BARD1: variants seen among roughly 807,000 people sequenced by gnomAD.
BARD1 encodes the protein BRCA1 associated RING domain 1.
Under a neutral mutation model 77.0 loss-of-function variants are expected in BARD1, and 73 were observed. That is an observed-to-expected ratio of 0.95 (90% CI 0.79 to 1.15). BARD1 has a LOEUF of 1.15. Among genes scored for constraint, BARD1 ranks in the 50% most tolerant of loss-of-function variants. The pLI is 0.00. For synonymous variants in BARD1, 384 were observed against 338.0 expected, an observed-to-expected ratio of 1.14 and a Z score of -1.49; for missense variants, 993 against 938.8, an observed-to-expected ratio of 1.06 and a Z score of -0.75.
chr2:214,764,452 G>C (rs1032731975), intron 6 of BARD1, among the ~76,000 whole-genome samples: 1 of 152,064 alleles, frequency 6.6e-6, no homozygotes, highest in African/African-American at 2.4e-5. Context: ...AAATATTCTA[G>C]ACAATGCAAA....
chr2:214,760,793 T>A (rs1693920618), intron 6 of BARD1, among the ~76,000 whole-genome samples: 1 of 150,540 alleles, frequency 6.6e-6, no homozygotes, highest in Non-Finnish European at 1.5e-5. Flanking sequence ...TTTTTTTTTT[T>A]AGATGGAGTC....
intron 3 of BARD1, among the ~76,000 whole-genome samples, chr2:214,784,145 G>T (rs1186282573): frequency 1.3e-5 from 2 of 151,968 alleles, no homozygotes; most frequent in African/African-American, 4.8e-5. Context: ...TCTGACAAAG[G>T]ACTAATATCC....
chr2:214,743,893 T>G (rs1194310553), intron 9 of BARD1, among the ~76,000 whole-genome samples: 2 of 152,200 alleles, frequency 1.3e-5, no homozygotes, highest in African/African-American at 4.8e-5. Context: ...CTTGTTTGCA[T>G]AATTTTATCT....
At chr2:214,763,317 T>TACC (rs1225508153) in intron 6 of BARD1, among the ~76,000 whole-genome samples, 1 of 152,202 alleles carries the variant, frequency 6.6e-6, no homozygotes, top group African/African-American at 2.4e-5. Flanking sequence ...TATGAAGGCA[T>TACC]ACCTCACACC....
chr2:214,745,131 T>C lies in BARD1; in HGVS notation c.1839A>G (p.Ala613=). ...TVTHVVVPGD[A]VQSTLKCMLG... is the part of the protein sequence containing the mutation. ...GCATACACTTCAAGGTACTTTGAAC[T>C]GCATCACCAGGAACAACAACATGAG... is the stretch of plus-strand genomic sequence containing the variant. Residue 613 remains alanine, a synonymous_variant, in exon 9 of 11, where the codon GCA becomes GCG. Coordinates refer to ENST00000260947, the MANE Select transcript of BARD1 (RefSeq NM_000465.4). 6.2e-7 allele frequency: 1 copy of C among 1,614,026 alleles called. No individual in the cohort carries two copies. The highest frequency in any genetic ancestry group is 8.5e-7 in the Non-Finnish European group (1 of 1,179,936).
intron 9 of BARD1, among the ~76,000 whole-genome samples, chr2:214,741,401 A>C (rs572946856): frequency 2.6e-5 from 4 of 152,302 alleles, no homozygotes; most frequent in African/African-American, 9.6e-5. Context: ...AAAGCAGTGT[A>C]CTAAAAGAAT....
rs1329481396 is a variant in BARD1, at chr2:214,792,448, T to G, written c.216-3A>C. ...CAATGCAGTCACTTACACAATTACT[T>G]TAAAATAATTAAAAAAAAAAAAAAA... On this transcript the variant is annotated splice_polypyrimidine_tract_variant and splice_region_variant and intron_variant, in intron 2 of 10. Transcript: ENST00000260947. 2 of 1,532,250 alleles carry G rather than the reference T, an allele frequency of 1.3e-6. No individual in the cohort carries two copies. The highest frequency in any genetic ancestry group is 3.0e-5 in the African/African-American group (2 of 65,938). 94.9% of individuals were successfully genotyped at this position (1,532,250 alleles called of 1,614,324 possible).
At chr2:214,798,619 G>C (rs907814107) in intron 1 of BARD1, among the ~76,000 whole-genome samples, 1 of 151,928 alleles carries the variant, frequency 6.6e-6, no homozygotes, top group Non-Finnish European at 1.5e-5. Flanking sequence ...ATCCAGCCCA[G>C]GCCAGAGTTA....
At chr2:214,742,933 T>C (rs116529201) in intron 9 of BARD1, among the ~76,000 whole-genome samples, 2,680 of 152,306 alleles carry the variant, frequency 0.018, 30 homozygotes, top group Non-Finnish European at 0.026. Flanking sequence ...TCCCTAATCA[T>C]GAAACCATTT....
At chr2:214,743,172 A>G (rs1838802) in intron 9 of BARD1, among the ~76,000 whole-genome samples, 74,650 of 152,016 alleles carry the variant, frequency 0.49, 18,514 homozygotes, top group East Asian at 0.56. Context: ...AGCATCACAA[A>G]AAAAGAAGTG....
At chr2:214,778,431 AATT>A (rs1694831783) in intron 4 of BARD1, among the ~76,000 whole-genome samples, 1 of 152,286 alleles carries the variant, frequency 6.6e-6, no homozygotes, top group Admixed American at 6.5e-5. Flanking sequence ...TGCATTTAAT[AATT>A]AAGTTCAAGG....
intron 1 of BARD1, among the ~76,000 whole-genome samples, chr2:214,806,423 C>T (rs1285643197): frequency 2.0e-5 from 3 of 152,150 alleles, no homozygotes; most frequent in Non-Finnish European, 4.4e-5. Flanking sequence ...TTGCTCCTTG[C>T]CGGCAATGTC....
rs980807052 is a variant in BARD1, at chr2:214,759,109, T to C, written c.1569-6554A>G. Reference sequence around the variant, plus strand: ...GAGTAATTCAAACTAGCAACATGGGTTTTTAAAGCTATAAAACATAAATTA... The same window carrying C: ...GAGTAATTCAAACTAGCAACATGGGCTTTTAAAGCTATAAAACATAAATTA... On this transcript the variant is annotated intron_variant, in intron 6 of 10. Transcript: ENST00000260947. Among the ~76,000 whole-genome samples the C allele has an allele frequency of 5.9e-5, 9 of 152,168 alleles. No homozygotes were observed. The East Asian group carries it at 1.7e-3, about 29-fold the overall frequency.
At chr2:214,735,310 T>C (rs1212135025) in intron 9 of BARD1, among the ~76,000 whole-genome samples, 2 of 152,126 alleles carry the variant, frequency 1.3e-5, no homozygotes, top group Non-Finnish European at 2.9e-5. Flanking sequence ...ATCAACAGAC[T>C]GTGAAAGGGC....
intron 4 of BARD1, among the ~76,000 whole-genome samples, chr2:214,773,552 G>A (rs190972306): frequency 6.6e-6 from 1 of 152,050 alleles, no homozygotes; most frequent in Admixed American, 6.6e-5. Context: ...CAAGTCACAC[G>A]AATCTTCTGG....
At chr2:214,754,256 T>A (rs563197633) in intron 6 of BARD1, among the ~76,000 whole-genome samples, 2 of 151,196 alleles carry the variant, frequency 1.3e-5, no homozygotes, top group South Asian at 4.2e-4. Context: ...CCACATTATA[T>A]GCCATCCAAA....
intron 2 of BARD1, chr2:214,796,790 T>C (rs769761792): frequency 4.4e-6 from 2 of 450,424 alleles, no homozygotes; most frequent in African/African-American, 2.0e-5. Context: ...ATTTGAATTA[T>C]ATAAAAGGCA....
Position 214,782,012 on chromosome 2 carries a change from G to C in BARD1, c.365-503C>G, listed in dbSNP as rs571445218. Reference sequence around the variant, plus strand: ...CAATTATAAAATTTACACGGAAAAAGAAAGGTACAATTTGAAAGGCAAAAG... The same window carrying C: ...CAATTATAAAATTTACACGGAAAAACAAAGGTACAATTTGAAAGGCAAAAG... On this transcript the variant is annotated intron_variant, in intron 3 of 10. Coordinates refer to ENST00000260947, the MANE Select transcript of BARD1 (RefSeq NM_000465.4). Among the ~76,000 whole-genome samples the C allele has an allele frequency of 2.2e-4, 34 of 152,160 alleles. No homozygotes were observed. In the South Asian group the frequency reaches 6.0e-3, roughly 27 times the overall value.
Position 214,781,215 on chromosome 2 carries a change from A to G in BARD1, c.659T>C (p.Leu220Ser), listed in dbSNP as rs138593305. 1.5e-4 allele frequency: 246 copies of G among 1,592,980 alleles called. 1 individual carries two copies. Among genetic ancestry groups the G allele is most frequent in the Non-Finnish European group, 1.9e-4 (225 of 1,174,946 alleles). ...TTCACCATCTTCTTTTTCTGCCTCT[A>G]AATTCCATTTTTGGTTGATTTCAGC... ...TLAEINQKWN[L>S]EAEKEDGEFD... The change falls in exon 4 of 11, where the codon TTA becomes TCA. Residue 220 changes from leucine (L) to serine (S), a missense_variant. Coordinates refer to ENST00000260947, the MANE Select transcript of BARD1 (RefSeq NM_000465.4).
Sources: gnomAD v4.1 joint callset for allele counts (sites outside exome capture counted in the v4.1 genomes callset) on GRCh38, gnomAD v4.1.1 for gene constraint, MANE v1.5 for transcripts, NCBI Gene and HGNC (gene_info 2026-07-23, HGNC 2026-07-21) for gene names.